The following MARCHF1 variants were observed in gnomAD, a reference collection of about 807,000 sequenced individuals.
The protein encoded by MARCHF1 is membrane associated ring-CH-type finger 1.
A neutral mutation model predicts 54.2 loss-of-function variants in MARCHF1; 40 were observed. That is an observed-to-expected ratio of 0.74 (90% confidence interval 0.57 to 0.96). The LOEUF is 0.96. MARCHF1 is among the 40% of genes least tolerant of loss of function. The pLI, the probability that MARCHF1 is intolerant of heterozygous loss-of-function variation, is 0.00. For missense variants in MARCHF1, 586 were observed against 656.5 expected, an observed-to-expected ratio of 0.89 and a Z score of 1.17; for synonymous variants, 236 against 236.3, an observed-to-expected ratio of 1.00 and a Z score of 0.01.
At chr4:164,078,660 C>T (rs1445168363) in intron 2 of MARCHF1, among the ~76,000 whole-genome samples, 1 of 152,104 alleles carries the variant, frequency 6.6e-6, no homozygotes, top group South Asian at 2.1e-4. Context: ...CTACATAGAA[C>T]TTCTAGAAAT....
At chr4:164,142,064 G>A (rs907376218) in intron 1 of MARCHF1, among the ~76,000 whole-genome samples, 8 of 152,052 alleles carry the variant, frequency 5.3e-5, no homozygotes, top group African/African-American at 9.7e-5. Flanking sequence ...GGTGACAGAC[G>A]GCACCTGGAA....
At chr4:163,662,444 C>CT (rs1561004990) in intron 5 of MARCHF1, among the ~76,000 whole-genome samples, 1 of 151,728 alleles carries the variant, frequency 6.6e-6, no homozygotes, top group African/African-American at 2.4e-5. Context: ...TTTTCTTTTC[C>CT]TTTTTTCCCC....
In MARCHF1 at chr4:164,016,274, G is replaced by A. The variant is rs116712095; in HGVS notation, c.-247-27565C>T. ...CTTACATGCAGCAGGCAAGGAGTGTGTGAAGGAAGCGAAGGGGGAAGAGCC... is the reference window on the plus strand; with the variant it reads ...CTTACATGCAGCAGGCAAGGAGTGTATGAAGGAAGCGAAGGGGGAAGAGCC... On this transcript the variant is annotated intron_variant, in intron 2 of 9. Coordinates refer to ENST00000514618, the MANE Select transcript of MARCHF1 (RefSeq NM_001394959.1). Among the ~76,000 whole-genome samples, 484 of 152,236 alleles carry A rather than the reference G, an allele frequency of 3.2e-3. 3 individuals are homozygous for A. Among genetic ancestry groups the A allele is most frequent in the African/African-American group, 0.011 (467 of 41,546 alleles).
chr4:163,848,925 CG>C (rs1043260123), intron 4 of MARCHF1, among the ~76,000 whole-genome samples: 7 of 152,086 alleles, frequency 4.6e-5, no homozygotes, highest in African/African-American at 1.7e-4. Context: ...ATACATAAAA[CG>C]GCGGTGAGAC....
At chr4:164,341,503 C>T (rs7662252) in intron 1 of MARCHF1, among the ~76,000 whole-genome samples, 82,145 of 152,072 alleles carry the variant, frequency 0.54, 22,789 homozygotes, top group East Asian at 0.65. Context: ...AAACAAAATA[C>T]TATAAACTGG....
intron 2 of MARCHF1, among the ~76,000 whole-genome samples, chr4:164,001,608 A>G (rs913777770): frequency 6.6e-6 from 1 of 151,876 alleles, no homozygotes; most frequent in Non-Finnish European, 1.5e-5. Flanking sequence ...GGGAAACAAG[A>G]AGGTAATTCC....
intron 2 of MARCHF1, among the ~76,000 whole-genome samples, chr4:164,076,813 T>C (rs1221004357): frequency 1.3e-5 from 2 of 152,108 alleles, no homozygotes; most frequent in Non-Finnish European, 2.9e-5. Context: ...TACCTAGGAA[T>C]ACAACTTACA....
intron 1 of MARCHF1, among the ~76,000 whole-genome samples, chr4:164,171,627 A>AT (rs1387595252): frequency 6.6e-6 from 1 of 152,210 alleles, no homozygotes; most frequent in Non-Finnish European, 1.5e-5. Context: ...AGGCACACAA[A>AT]TTACTAGAGT....
intron 9 of MARCHF1, among the ~76,000 whole-genome samples, chr4:163,539,007 T>TTA (rs1237875112): frequency 6.8e-6 from 1 of 146,336 alleles, no homozygotes; most frequent in Non-Finnish European, 1.5e-5. Flanking sequence ...ATGCTTTTAT[T>TTA]TATTTATTTA....
At chr4:163,855,831 T>A (rs899608258) in intron 3 of MARCHF1, among the ~76,000 whole-genome samples, 3 of 152,236 alleles carry the variant, frequency 2.0e-5, no homozygotes, top group Non-Finnish European at 2.9e-5. Flanking sequence ...AGATTCTTTT[T>A]GATGCTGTGG....
At chr4:164,012,318 G>C (rs956140971) in intron 2 of MARCHF1, among the ~76,000 whole-genome samples, 2 of 152,048 alleles carry the variant, frequency 1.3e-5, no homozygotes, top group Non-Finnish European at 2.9e-5. Context: ...GGTGAGTACA[G>C]AAGACTGTAT....
At chr4:164,214,843 T>C (rs1261263037) in intron 1 of MARCHF1, among the ~76,000 whole-genome samples, 1 of 152,208 alleles carries the variant, frequency 6.6e-6, no homozygotes, top group East Asian at 1.9e-4. Context: ...CCCATTTCCA[T>C]CTGACACTTG....
At chr4:163,797,063 T>A (rs1000676177) in intron 4 of MARCHF1, among the ~76,000 whole-genome samples, 2 of 152,168 alleles carry the variant, frequency 1.3e-5, no homozygotes, top group East Asian at 3.8e-4. Flanking sequence ...TTCAGAATGG[T>A]CTGTTGGTAA....
intron 1 of MARCHF1, among the ~76,000 whole-genome samples, chr4:164,229,295 G>A (rs1169976235): frequency 1.3e-5 from 2 of 152,146 alleles, no homozygotes; most frequent in Non-Finnish European, 2.9e-5. Context: ...GGTTATAAAA[G>A]CAGCTTTGTA....
rs556102123 is a variant in MARCHF1 at position 164,138,607 on chromosome 4, G to A, written c.-322-26945C>T. ...GGTATGGCCACAACTCAGTTGAAGC[G>A]GTATGGGCAGAACAGTGCAGAGTGT... On this transcript the variant is annotated intron_variant, in intron 1 of 9. Coordinates refer to ENST00000514618, the MANE Select transcript of MARCHF1 (RefSeq NM_001394959.1). 5.3e-5 allele frequency among the ~76,000 whole-genome samples: 8 copies of A among 152,266 alleles called. No homozygotes were observed. In the South Asian group the frequency reaches 8.3e-4, roughly 16 times the overall value.
intron 2 of MARCHF1, among the ~76,000 whole-genome samples, chr4:164,081,709 T>C (rs1055664688): frequency 4.6e-5 from 7 of 151,084 alleles, no homozygotes; most frequent in South Asian, 2.1e-4. Flanking sequence ...TGCATGCATA[T>C]ACACACACAC....
intron 9 of MARCHF1, among the ~76,000 whole-genome samples, chr4:163,542,221 T>G (rs1159097335): frequency 1.3e-5 from 2 of 152,194 alleles, no homozygotes; most frequent in African/African-American, 4.8e-5. Context: ...AAAAAATATT[T>G]TGAAAACAAT....
intron 1 of MARCHF1, among the ~76,000 whole-genome samples, chr4:164,354,320 T>C (rs1345735069): frequency 2.2e-5 from 3 of 133,916 alleles, no homozygotes; most frequent in Non-Finnish European, 4.9e-5. Flanking sequence ...AAAAAGAGAA[T>C]TTTAGACCAA....
intron 1 of MARCHF1, among the ~76,000 whole-genome samples, chr4:164,316,091 A>G (rs1447034028): frequency 1.3e-5 from 2 of 152,176 alleles, no homozygotes; most frequent in Non-Finnish European, 2.9e-5. Context: ...GCTAATATAT[A>G]TAAAGTGATA....
Sources: gnomAD v4.1 joint callset for allele counts (sites outside exome capture counted in the v4.1 genomes callset) on GRCh38, gnomAD v4.1.1 for gene constraint, MANE v1.5 for transcripts, NCBI Gene and HGNC (gene_info 2026-07-23, HGNC 2026-07-21) for gene names.